The following PRKG1 variants were observed in gnomAD, a reference collection of about 807,000 sequenced individuals.
PRKG1 encodes cGMP-dependent protein kinase 1.
PRKG1 carries 35 observed loss-of-function variants against 88.1 expected under a neutral mutation model. The ratio of observed to expected loss-of-function variants is 0.40; its 90% CI spans 0.30 to 0.53. PRKG1 has a LOEUF of 0.53. Among genes scored for constraint, PRKG1 ranks in the 20% least tolerant of loss-of-function variants. PRKG1 has a pLI of 0.59. For missense variants in PRKG1, 540 were observed against 839.8 expected (o/e 0.64, Z 4.41); for synonymous variants, 303 against 292.5 (o/e 1.04, Z -0.37).
chr10:52,039,167 C>T (rs1055588747), intron 5 of PRKG1, among the ~76,000 whole-genome samples: 10 of 152,050 alleles, frequency 6.6e-5, no homozygotes, highest in African/African-American at 2.2e-4. Context: ...AGCAACATGG[C>T]TGTTTATTTC....
intron 3 of PRKG1, among the ~76,000 whole-genome samples, chr10:51,660,444 A>AG (rs1840271085): frequency 6.6e-6 from 1 of 151,884 alleles, no homozygotes; most frequent in African/African-American, 2.4e-5. Flanking sequence ...GCTTTTGGGC[A>AG]GAAAAAAAAA....
At chr10:51,764,931 G>A (rs1330743936) in intron 3 of PRKG1, among the ~76,000 whole-genome samples, 3 of 152,148 alleles carry the variant, frequency 2.0e-5, no homozygotes, top group South Asian at 2.1e-4. Context: ...CATGTTTCAT[G>A]AACCAGAAAG....
At chr10:51,757,058 AT>A (rs1000633071) in intron 3 of PRKG1, among the ~76,000 whole-genome samples, 1 of 150,912 alleles carries the variant, frequency 6.6e-6, no homozygotes, top group Non-Finnish European at 1.5e-5. Flanking sequence ...ATTTTATTTT[AT>A]TTTTTTTATA....
At chr10:52,123,079 C>T (rs1019068491) in intron 7 of PRKG1, among the ~76,000 whole-genome samples, 1 of 152,134 alleles carries the variant, frequency 6.6e-6, no homozygotes, top group Non-Finnish European at 1.5e-5. Flanking sequence ...TTTTATTTGG[C>T]TCAGTCTAAT....
At chr10:51,099,071 T>C (rs1844613665) in intron 1 of PRKG1, among the ~76,000 whole-genome samples, 1 of 152,136 alleles carries the variant, frequency 6.6e-6, no homozygotes, top group Non-Finnish European at 1.5e-5. Context: ...GAAGTTGCAC[T>C]TTGCTTGGCT....
chr10:51,285,310 T>G (rs1350987514), intron 2 of PRKG1, among the ~76,000 whole-genome samples: 2 of 152,138 alleles, frequency 1.3e-5, no homozygotes, highest in African/African-American at 2.4e-5. Context: ...AACATTATTG[T>G]TTTTTAGCAC....
intron 3 of PRKG1, among the ~76,000 whole-genome samples, chr10:51,605,141 G>A (rs558810389): frequency 2.6e-5 from 4 of 152,306 alleles, no homozygotes; most frequent in African/African-American, 9.6e-5. Flanking sequence ...CTGGTCTGGT[G>A]GTGTCTGTTG....
At chr10:51,410,263 T>A (rs548311470) in intron 2 of PRKG1, among the ~76,000 whole-genome samples, 1 of 144,354 alleles carries the variant, frequency 6.9e-6, no homozygotes, top group Admixed American at 7.2e-5. Context: ...TGTGTGTATA[T>A]ATATATATGT....
chr10:51,314,463 A>G (rs1309584221), intron 2 of PRKG1, among the ~76,000 whole-genome samples: 4 of 152,242 alleles, frequency 2.6e-5, no homozygotes, highest in Non-Finnish European at 4.4e-5. Flanking sequence ...TAGTTGCAAT[A>G]TGCTCATTTA....
At chr10:51,435,949 T>G (rs190160393) in intron 2 of PRKG1, among the ~76,000 whole-genome samples, 1 of 152,132 alleles carries the variant, frequency 6.6e-6, no homozygotes, top group Non-Finnish European at 1.5e-5. Flanking sequence ...GAGATTTTAT[T>G]CTTAGGATCT....
intron 1 of PRKG1, among the ~76,000 whole-genome samples, chr10:51,080,987 G>A (rs1251253347): frequency 6.6e-6 from 1 of 152,134 alleles, no homozygotes; most frequent in African/African-American, 2.4e-5. Context: ...AAAAACTTCA[G>A]CTACACAAAA....
intron 3 of PRKG1, among the ~76,000 whole-genome samples, chr10:51,645,735 G>T (rs1248533409): frequency 6.6e-6 from 1 of 152,034 alleles, no homozygotes; most frequent in African/African-American, 2.4e-5. Context: ...CTGAGCACCT[G>T]ATAAAATATG....
At chr10:51,892,173 T>A (rs1458189106) in intron 4 of PRKG1, among the ~76,000 whole-genome samples, 5 of 149,004 alleles carry the variant, frequency 3.4e-5, no homozygotes, top group African/African-American at 4.8e-5. Context: ...GTTACCTGGT[T>A]GAGTAAGTTT....
intron 3 of PRKG1, among the ~76,000 whole-genome samples, chr10:51,791,604 A>G (rs910738071): frequency 6.6e-6 from 1 of 152,116 alleles, no homozygotes; most frequent in African/African-American, 2.4e-5. Flanking sequence ...CTCAGAGTAG[A>G]ATATGGTACC....
intron 2 of PRKG1, among the ~76,000 whole-genome samples, chr10:51,458,293 G>T (rs1450910769): frequency 6.6e-6 from 1 of 152,068 alleles, no homozygotes; most frequent in Non-Finnish European, 1.5e-5. Context: ...TTGAATTATT[G>T]TTGTTTCTAT....
intron 2 of PRKG1, among the ~76,000 whole-genome samples, chr10:51,224,824 A>G (rs886130616): frequency 1.3e-5 from 2 of 152,146 alleles, no homozygotes; most frequent in African/African-American, 4.8e-5. Flanking sequence ...AGGACCACAT[A>G]TGGTTGAAAT....
At chr10:51,089,082 G>A (rs1480140182) in intron 1 of PRKG1, among the ~76,000 whole-genome samples, 1 of 152,066 alleles carries the variant, frequency 6.6e-6, no homozygotes, top group African/African-American at 2.4e-5. Flanking sequence ...CCTGCCCTCT[G>A]AAGGCATTTC....
intron 10 of PRKG1, among the ~76,000 whole-genome samples, chr10:52,262,148 G>C (rs906610317): frequency 1.3e-5 from 2 of 152,018 alleles, no homozygotes; most frequent in African/African-American, 4.8e-5. Context: ...TCATATCTTG[G>C]AAATCATAGT....
At chr10:51,434,866 T>A (rs1298920858) in intron 2 of PRKG1, among the ~76,000 whole-genome samples, 2 of 152,074 alleles carry the variant, frequency 1.3e-5, no homozygotes, top group African/African-American at 2.4e-5. Context: ...GCTAAATGGA[T>A]CTCACTTTAA....
Sources: gnomAD v4.1 joint callset for allele counts (sites outside exome capture counted in the v4.1 genomes callset) on GRCh38, gnomAD v4.1.1 for gene constraint, MANE v1.5 for transcripts, NCBI Gene and HGNC (gene_info 2026-07-23, HGNC 2026-07-21) for gene names.